The following RPL10 variants were observed in gnomAD, a reference collection of about 807,000 sequenced individuals.
The protein encoded by RPL10 is large ribosomal subunit protein uL16.
RPL10 carries 1 observed loss-of-function variant against 15.7 expected under a neutral mutation model. The ratio of observed to expected loss-of-function variants is 0.06; its 90% CI spans 0.02 to 0.30. RPL10 has a LOEUF of 0.30. RPL10 is among the 10% of genes least tolerant of loss of function. The probability of loss-of-function intolerance (pLI) is 1.00; values close to 1 mark genes in which losing one functional copy is unlikely to be tolerated. For missense variants in RPL10, 54 were observed against 183.4 expected, an observed-to-expected ratio of 0.29 and a Z score of 4.08; for synonymous variants, 59 against 64.0, an observed-to-expected ratio of 0.92 and a Z score of 0.37.
At position 154,399,616 on chromosome X, in the gene RPL10, G is replaced by A. The variant is rs376527381; in HGVS notation, c.190+22G>A. The A allele has an allele frequency of 8.4e-6, 10 of 1,191,470 alleles. No homozygotes were observed. In the African/African-American group the frequency reaches 1.2e-4, roughly 15 times the overall value. ...GAAGGTAAGGCAGGATTCTTTGTTC[G>A]TCACCCCCCAGTCCTTCCTCCGTGC... is the stretch of plus-strand genomic sequence containing the variant. On this transcript the variant is annotated intron_variant, in intron 4 of 6. Transcript: ENST00000369817.
At chrX:154,398,327 AC>A (rs2067951884), upstream of RPL10, 1 of 569,089 alleles carries the variant, frequency 1.8e-6, no homozygotes, top group Non-Finnish European at 3.1e-6. Flanking sequence ...TATGGTTCTT[AC>A]GCGCGCAGAC....
rs1363402563 is a variant in RPL10, at chrX:154,399,797, A to G, written c.191-6A>G. 3.3e-6 allele frequency: 4 copies of G among 1,210,913 alleles called. No homozygotes were observed. The highest frequency in any genetic ancestry group is 3.0e-5 in the East Asian group (1 of 33,870). ...TCACTTTGCTGCTTTTCTTCTCCCT[A>G]CCTAGCCCTGGAGGCTGCCCGAATT... On this transcript the variant is annotated splice_region_variant and splice_polypyrimidine_tract_variant and intron_variant, in intron 4 of 6. Coordinates refer to ENST00000369817, the MANE Select transcript of RPL10 (RefSeq NM_006013.5).
At position 154,401,701 on chromosome X, in the gene RPL10, A is replaced by T. The variant is rs782780102; in HGVS notation, c.*847A>T. On this transcript the variant is annotated 3_prime_UTR_variant, in exon 7 of 7. Transcript: ENST00000369817. ...CTGGGGTATGTTGGCCCCAGCCCCC[A>T]GCCTGTGGCTCCCAAAAGGCCTCTG... is the stretch of plus-strand genomic sequence containing the variant. 2.2e-4 allele frequency: 25 copies of T among 112,304 alleles called. No individual in the cohort carries two copies. Among genetic ancestry groups the T allele is most frequent in the African/African-American group, 8.1e-4 (25 of 30,913 alleles). 9.3% of individuals were successfully genotyped at this position (112,304 alleles called of 1,213,427 possible).
chrX:154,401,524 A>G lies in RPL10; in HGVS notation c.*670A>G, dbSNP rs1472854748. ...ACCTCGGAACAGACACGTGTGTGGC[A>G]TGGTTTGGCCTGGGGATCTTAGATG... is the stretch of plus-strand genomic sequence containing the variant. On this transcript the variant is annotated 3_prime_UTR_variant, in exon 7 of 7. Coordinates refer to ENST00000369817, the MANE Select transcript of RPL10 (RefSeq NM_006013.5). 1 of 119,079 alleles carries G rather than the reference A, an allele frequency of 8.4e-6. No individual in the cohort carries two copies. Among genetic ancestry groups the G allele is most frequent in the Non-Finnish European group, 1.8e-5 (1 of 57,060 alleles). 9.8% of individuals were successfully genotyped at this position (119,079 alleles called of 1,213,427 possible).
In RPL10 at chrX:154,400,006, A is replaced by C. The variant is rs2067994231; in HGVS notation, c.329+65A>C. On this transcript the variant is annotated intron_variant, in intron 5 of 6. Transcript: ENST00000369817. ...TACATTATTAGGCTTGCATTATTTTATCAGAGCATAGAGGTGGCCCCAGTG... is the reference window on the plus strand; with the variant it reads ...TACATTATTAGGCTTGCATTATTTTCTCAGAGCATAGAGGTGGCCCCAGTG... The C allele has an allele frequency of 2.6e-6, 3 of 1,173,499 alleles. No homozygotes were observed. The African/African-American group carries it at 5.3e-5, about 21-fold the overall frequency.
At position 154,400,791 on chromosome X, in the gene RPL10, C is replaced by T. The variant is rs781926187; in HGVS notation, c.582C>T (p.Gly194=). 3 of 1,211,533 alleles carry T rather than the reference C, an allele frequency of 2.5e-6. No individual in the cohort carries two copies. The highest frequency in any genetic ancestry group is 3.4e-6 in the Non-Finnish European group (3 of 895,351). Residue 194 remains glycine, a synonymous_variant, in exon 7 of 7, where the codon GGC becomes GGT. Transcript: ENST00000369817. The stretch of plus-strand genomic sequence containing the variant: ...CTGAAAAGCGGCTCATCCCAGATGG[C>T]TGTGGGGTCAAGTACATCCCCAGTC... ...MVAEKRLIPD[G]CGVKYIPSRG...
chrX:154,398,100 G>A (rs3813457), upstream of RPL10: 142 of 310,436 alleles, frequency 4.6e-4, no homozygotes, highest in East Asian at 0.01. Flanking sequence ...GCAAAGCCTA[G>A]GGCAAGAGTT....
chrX:154,398,951 C>G, intron 2 of RPL10: 1 of 359,817 alleles, frequency 2.8e-6, no homozygotes, highest in African/African-American at 2.6e-5. Flanking sequence ...CATTTCCACT[C>G]GGCTTGGAGG....
Position 154,401,108 on chromosome X carries a change from T to A in RPL10, c.*254T>A. 6 of 759,963 alleles carry A rather than the reference T, an allele frequency of 7.9e-6. No individual in the cohort carries two copies. The highest frequency in any genetic ancestry group is 1.1e-5 in the Non-Finnish European group (6 of 548,010). 62.6% of individuals were successfully genotyped at this position (759,963 alleles called of 1,213,427 possible). A position where few individuals can be genotyped will look rare whatever the true frequency, so the allele number is the denominator to read the frequency against. On this transcript the variant is annotated 3_prime_UTR_variant, in exon 7 of 7. Coordinates refer to ENST00000369817, the MANE Select transcript of RPL10 (RefSeq NM_006013.5). ...GCTTGACTTGGACCTCCCCAGGTCCTAGGCAGTAGGTTGAAAAACACTGAA... is the reference window on the plus strand; with the variant it reads ...GCTTGACTTGGACCTCCCCAGGTCCAAGGCAGTAGGTTGAAAAACACTGAA...
At chrX:154,398,104 AAG>A, upstream of RPL10, 4 of 314,289 alleles carry the variant, frequency 1.3e-5, no homozygotes, top group South Asian at 6.6e-5. Context: ...AGCCTAGGGC[AAG>A]AGTTCTACGC....
intron 2 of RPL10, chrX:154,398,755 C>T: frequency 6.4e-6 from 3 of 470,873 alleles, no homozygotes; most frequent in Non-Finnish European, 1.1e-5. Flanking sequence ...GCGACGGTTC[C>T]CTCGTATCTC....
At chrX:154,398,750 G>A in intron 2 of RPL10, 1 of 481,005 alleles carries the variant, frequency 2.1e-6, no homozygotes, top group Non-Finnish European at 3.6e-6. Flanking sequence ...TGGAAGCGAC[G>A]GTTCCCTCGT....
In RPL10 at chrX:154,399,804, C is replaced by G. The variant is rs782136299; in HGVS notation, c.192C>G (p.Ala64=). Residue 64 remains alanine (A), a splice_region_variant and synonymous_variant, in exon 5 of 7, where the codon GCC becomes GCG. Coordinates refer to ENST00000369817, the MANE Select transcript of RPL10 (RefSeq NM_006013.5). ...GCTGCTTTTCTTCTCCCTACCTAGCCCTGGAGGCTGCCCGAATTTGTGCCA... is the reference window on the plus strand; with the variant it reads ...GCTGCTTTTCTTCTCCCTACCTAGCGCTGGAGGCTGCCCGAATTTGTGCCA... The part of the protein sequence containing the change: ...SDEYEQLSSE[A]LEAARICANK... 2 of 1,209,747 alleles carry G rather than the reference C, an allele frequency of 1.7e-6. No homozygotes were observed. Among genetic ancestry groups the G allele is most frequent in the South Asian group, 3.5e-5 (2 of 56,838 alleles).
In RPL10 at chrX:154,400,577, T is replaced by C; in HGVS notation, c.443T>C (p.Val148Ala). ...ACCAAGCTGCAGAACAAGGAGCATG[T>C]GATTGAGGCCCTGCGCAGGGCCAAG... The part of the protein sequence containing the change: ...IRTKLQNKEH[V>A]IEALRRAKFK... Residue 148 changes from valine to alanine, a missense_variant, in exon 6 of 7, where the codon GTG (valine) becomes GCG (alanine). Physicochemically the swap from Val to Ala is moderately conservative, Grantham distance 64. This residue lies in a region of RPL10 where 32 missense variants were observed against 76.0 expected (regional missense o/e 0.42). Coordinates refer to ENST00000369817, the MANE Select transcript of RPL10 (RefSeq NM_006013.5). 5 of 1,210,264 alleles carry C rather than the reference T, an allele frequency of 4.1e-6. No individual in the cohort carries two copies. Among genetic ancestry groups the C allele is most frequent in the Non-Finnish European group, 5.6e-6 (5 of 895,125 alleles).
intron 2 of RPL10, chrX:154,398,846 T>G (rs887074894): frequency 6.8e-5 from 27 of 396,331 alleles, no homozygotes; most frequent in Non-Finnish European, 8.6e-5. Flanking sequence ...CTGTCTTATT[T>G]CCGGGCGACG....
intron 5 of RPL10, chrX:154,400,239 A>G (rs1557185623): frequency 3.5e-6 from 2 of 567,697 alleles, no homozygotes; most frequent in Non-Finnish European, 6.3e-6. Context: ...TGAAGCTGGC[A>G]GAGGAGCCCA....
At chrX:154,398,443 C>T in intron 1 of RPL10, 49 bp downstream of exon 1, 1 of 1,164,529 alleles carries the variant, frequency 8.6e-7, no homozygotes, top group Non-Finnish European at 1.2e-6. Flanking sequence ...CTGGTTCTCA[C>T]ACCTTTTAGG....
At chrX:154,399,315 T>TG (rs781877954) in intron 2 of RPL10, 23 bp from the exon 3 acceptor site, 375 of 1,207,304 alleles carry the variant, frequency 3.1e-4, no homozygotes, top group Non-Finnish European at 4.1e-4. Context: ...TCACCTAACC[T>TG]GTGTTTTTTC....
chrX:154,398,885 C>G (rs1603368142), intron 2 of RPL10: 1 of 370,843 alleles, frequency 2.7e-6, no homozygotes. Flanking sequence ...ACGTGAAGGG[C>G]AGTCCGGGAA....
Sources: gnomAD v4.1 joint callset for allele counts on GRCh38, gnomAD v4.1.1 for gene constraint, gnomAD v4.1.1 regional missense constraint, MANE v1.5 for transcripts, NCBI Gene and HGNC (gene_info 2026-07-23, HGNC 2026-07-21) for gene names.